The following CD6 variants were observed in gnomAD, a reference collection of about 807,000 sequenced individuals.
CD6 encodes the protein CD6 molecule.
In CD6, 53 loss-of-function variants were observed where a neutral mutation model predicts 75.3. The ratio of observed to expected loss-of-function variants is 0.70; its 90% CI spans 0.56 to 0.88. The LOEUF (loss-of-function observed/expected upper bound fraction) is 0.88, where lower values mean the gene tolerates loss of function less well. Among genes scored for constraint, CD6 ranks in the 40% least tolerant of loss-of-function variants. The pLI is 0.00. For missense variants in CD6, 770 were observed against 897.1 expected (o/e 0.86, Z 1.81); for synonymous variants, 359 against 381.5 (o/e 0.94, Z 0.69).
chr11:60,984,612 A>G (rs1857726400), intron 1 of CD6, among the ~76,000 whole-genome samples: 1 of 152,272 alleles, frequency 6.6e-6, no homozygotes. Context: ...AATAGGGAAA[A>G]TAGACCAAAA....
At chr11:61,013,103 C>G (rs1267790148) in intron 6 of CD6, among the ~76,000 whole-genome samples, 1 of 152,214 alleles carries the variant, frequency 6.6e-6, no homozygotes, top group Non-Finnish European at 1.5e-5. Flanking sequence ...GCCAGGCACA[C>G]AGCGGGTACT....
chr11:61,018,138 C>A, intron 11 of CD6, 125 bp downstream of exon 11: 1 of 1,327,380 alleles, frequency 7.5e-7, no homozygotes, highest in Non-Finnish European at 1.0e-6. Flanking sequence ...TCGCTGTGTG[C>A]CCTTGGACAC....
intron 1 of CD6, among the ~76,000 whole-genome samples, chr11:60,981,588 G>A (rs1035487230): frequency 1.3e-5 from 2 of 152,260 alleles, no homozygotes; most frequent in African/African-American, 4.8e-5. Context: ...GGGCTCCCCA[G>A]ATGTTGGCGG....
Position 61,007,868 on chromosome 11 carries a change from G to C in CD6, c.427G>C (p.Ala143Pro). ...GCGGCTCTGCGAGGTGGTGGAGCAC[G>C]CGTGCCGCAGCGACGGGAGGCGGGC... ...EWRLCEVVEHACRSDGRRARV... is the reference protein window; with the variant it reads ...EWRLCEVVEHPCRSDGRRARV... The change falls in exon 3 of 13, where the codon GCG (alanine) becomes CCG (proline). Residue 143 changes from alanine to proline, a missense_variant. Physicochemically the swap from Ala to Pro is conservative, Grantham distance 27 (BLOSUM62 -1). Coordinates refer to ENST00000313421, the MANE Select transcript of CD6 (RefSeq NM_006725.5). The surrounding 1 kb of genome is among the most constrained non-coding windows in gnomAD (Gnocchi z 4.2). 7.2e-7 allele frequency: 1 copy of C among 1,386,424 alleles called. No homozygotes were observed. The highest frequency in any genetic ancestry group is 9.3e-7 in the Non-Finnish European group (1 of 1,076,582). 85.9% of individuals were successfully genotyped at this position (1,386,424 alleles called of 1,614,324 possible).
intron 1 of CD6, among the ~76,000 whole-genome samples, chr11:61,005,258 C>A (rs569567016): frequency 6.6e-6 from 1 of 152,276 alleles, no homozygotes; most frequent in South Asian, 2.1e-4. Context: ...GAGACACAAC[C>A]AGGGAGTGGT....
intron 12 of CD6, 97 bp downstream of exon 12, chr11:61,018,490 A>AGGAGAAAGGAAGGGGAAAT: frequency 1.1e-6 from 1 of 947,712 alleles, no homozygotes; most frequent in Non-Finnish European, 1.6e-6. Flanking sequence ...CAAGGGGAAA[A>AGGAGAAAGGAAGGGGAAAT]GGAGAAAGGA....
intron 1 of CD6, among the ~76,000 whole-genome samples, chr11:61,002,572 C>T (rs1858636823): frequency 6.6e-6 from 1 of 152,042 alleles, no homozygotes; most frequent in Non-Finnish European, 1.5e-5. Flanking sequence ...AAAAAATCTG[C>T]AGTGAACATT....
rs577099849 is a variant in CD6 at position 60,972,795 on chromosome 11, G to A, written c.49+881G>A. On this transcript the variant is annotated intron_variant, in intron 1 of 12. Transcript: ENST00000313421. ...AGACCCAGGAAGACCCAGTCAGGAG[G>A]GGGCATCGAGCTGGTTTGGAGGACT... is the stretch of plus-strand genomic sequence containing the variant. 3.3e-5 allele frequency among the ~76,000 whole-genome samples: 5 copies of A among 152,250 alleles called. No homozygotes were observed. The South Asian group carries it at 1.0e-3, about 32-fold the overall frequency.
intron 1 of CD6, among the ~76,000 whole-genome samples, chr11:60,997,869 C>T (rs1858380275): frequency 1.3e-5 from 2 of 152,314 alleles, no homozygotes; most frequent in South Asian, 4.1e-4. Context: ...ATTTCAAGTG[C>T]TCAGTAGCCA....
chr11:60,985,441 T>C (rs2135042602), intron 1 of CD6, among the ~76,000 whole-genome samples: 1 of 152,144 alleles, frequency 6.6e-6, no homozygotes, highest in South Asian at 2.1e-4. Context: ...CGTCTCAGCC[T>C]CCCAGAGTGC....
At chr11:61,017,620 C>T in intron 10 of CD6, 70 bp downstream of exon 10, 5 of 1,567,566 alleles carry the variant, frequency 3.2e-6, no homozygotes, top group Non-Finnish European at 4.4e-6. Flanking sequence ...CAGCTTGAGA[C>T]CTTCCAGCAG....
chr11:61,009,886 T>C lies in CD6; in HGVS notation c.1084+12T>C, dbSNP rs1044143742. ...GGTCCTCTGCTCAGGTACCCCATCC[T>C]ACTCCACCCCCCCAGATTTGAGCCA... On this transcript the variant is annotated intron_variant, in intron 5 of 12. Transcript: ENST00000313421. 4 of 1,528,312 alleles carry C rather than the reference T, an allele frequency of 2.6e-6. No homozygotes were observed. The highest frequency in any genetic ancestry group is 3.5e-6 in the Non-Finnish European group (4 of 1,138,706). The allele number at this position is 1,528,312 out of a possible 1,614,324, so 94.7% of individuals were successfully genotyped here.
intron 1 of CD6, among the ~76,000 whole-genome samples, chr11:60,987,532 G>A (rs868477589): frequency 4.0e-5 from 6 of 150,162 alleles, no homozygotes; most frequent in African/African-American, 1.5e-4. Context: ...TGTGTATAGG[G>A]TGTGTGTGTA....
intron 8 of CD6, chr11:61,015,366 T>G: frequency 5.2e-6 from 1 of 192,460 alleles, no homozygotes; most frequent in East Asian, 1.4e-4. Context: ...AGCCCAGGAG[T>G]TTGAGAACAG....
intron 1 of CD6, among the ~76,000 whole-genome samples, chr11:60,994,819 T>C (rs1858227046): frequency 6.6e-6 from 1 of 152,228 alleles, no homozygotes. Context: ...TAAGTGTACA[T>C]GTAAAATAAT....
Position 61,019,559 on chromosome 11 carries a change from G to C in CD6, c.*241G>C, listed in dbSNP as rs1452994891. The C allele has an allele frequency of 2.4e-6, 1 of 419,714 alleles. No homozygotes were observed. The highest frequency in any genetic ancestry group is 2.0e-5 in the African/African-American group (1 of 49,624). The allele number at this position is 419,714 out of a possible 1,614,324, so 26.0% of individuals were successfully genotyped here. On this transcript the variant is annotated 3_prime_UTR_variant, in exon 13 of 13. Coordinates refer to ENST00000313421, the MANE Select transcript of CD6 (RefSeq NM_006725.5). ...GCCCCAGGGAGGATGCTGCCTCCAA[G>C]AGGTGTGAGCCCTCTGTCTCGGGGA...
Position 61,019,250 on chromosome 11 carries a change from A to C in CD6, c.1943-4A>C. On this transcript the variant is annotated splice_polypyrimidine_tract_variant and splice_region_variant and intron_variant, in intron 12 of 12. Transcript: ENST00000313421. ...CCCACTAATCTGGGCCTCTCTGCCCACAGGGTCCCCCAGCCCTCAGCCTGA... is the reference window on the plus strand; with the variant it reads ...CCCACTAATCTGGGCCTCTCTGCCCCCAGGGTCCCCCAGCCCTCAGCCTGA... The C allele has an allele frequency of 6.2e-7, 1 of 1,611,048 alleles. No individual in the cohort carries two copies. Among genetic ancestry groups the C allele is most frequent in the Non-Finnish European group, 8.5e-7 (1 of 1,179,402 alleles).
chr11:60,990,503 C>T (rs1013098377), intron 1 of CD6, among the ~76,000 whole-genome samples: 1 of 152,102 alleles, frequency 6.6e-6, no homozygotes, highest in Non-Finnish European at 1.5e-5. Context: ...GGATTACAGG[C>T]GTGAGCCACC....
At chr11:60,989,194 T>C (rs1239903747) in intron 1 of CD6, 1 of 152,210 alleles carries the variant, frequency 6.6e-6, no homozygotes, top group African/African-American at 2.4e-5. Context: ...AATGCCAGGC[T>C]ATGTGACCGT....
Sources: allele counts gnomAD v4.1 joint callset (sites outside exome capture counted in the v4.1 genomes callset), GRCh38; gene constraint gnomAD v4.1.1; non-coding constraint Gnocchi (gnomAD v3.1); transcripts MANE v1.5; gene names NCBI Gene and HGNC (gene_info 2026-07-23, HGNC 2026-07-21).